CCDC171: variants seen among roughly 807,000 people sequenced by gnomAD.
CCDC171 encodes the protein coiled-coil domain containing 171.
Under a neutral mutation model 168.2 loss-of-function variants are expected in CCDC171, and 177 were observed. The observed-to-expected ratio is 1.05, with a 90% confidence interval of 0.93 to 1.19. CCDC171 has a LOEUF of 1.19. CCDC171 is among the 50% of genes most tolerant of loss of function. The pLI is 0.00. For missense variants in CCDC171, 1,991 were observed against 1,539.0 expected, an observed-to-expected ratio of 1.29 and a Z score of -4.91; for synonymous variants, 687 against 540.8, an observed-to-expected ratio of 1.27 and a Z score of -3.75.
chr9:15,626,717 A>G (rs571414950), intron 7 of CCDC171, among the ~76,000 whole-genome samples: 20 of 152,338 alleles, frequency 1.3e-4, no homozygotes, highest in African/African-American at 3.1e-4. Flanking sequence ...TCAGTTTGCC[A>G]GTATTTTACT....
At chr9:16,019,931 A>G (rs544305065) in intron 3 of CCDC171, among the ~76,000 whole-genome samples, 10 of 152,336 alleles carry the variant, frequency 6.6e-5, no homozygotes, top group Admixed American at 3.9e-4. Flanking sequence ...ATGCGAATCA[A>G]TATTCAGAGG....
At chr9:15,695,989 T>C (rs1207886449) in intron 11 of CCDC171, among the ~76,000 whole-genome samples, 1 of 152,238 alleles carries the variant, frequency 6.6e-6, no homozygotes, top group Non-Finnish European at 1.5e-5. Flanking sequence ...TCTTAGTGTT[T>C]TGTGTTTATG....
Position 15,972,759 on chromosome 9 carries a change from C to T in CCDC171, c.*923C>T, listed in dbSNP as rs1338325799. On this transcript the variant is annotated 3_prime_UTR_variant, in exon 26 of 26. Transcript: ENST00000380701. ...ATGCTGACAGAATTTAAAACAAGGC[C>T]ATTGCCCTGCATTTTCTGCCTTGTA... 1.3e-5 allele frequency: 2 copies of T among 152,096 alleles called. No individual in the cohort carries two copies. Among genetic ancestry groups the T allele is most frequent in the Non-Finnish European group, 2.9e-5 (2 of 68,018 alleles). 9.4% of individuals were successfully genotyped at this position (152,096 alleles called of 1,614,324 possible). A position where few individuals can be genotyped will look rare whatever the true frequency, so the allele number is the denominator to read the frequency against.
intron 25 of CCDC171, among the ~76,000 whole-genome samples, chr9:15,939,020 T>C (rs549801209): frequency 6.6e-6 from 1 of 151,698 alleles, no homozygotes; most frequent in African/African-American, 2.4e-5. Flanking sequence ...TAAATAACAT[T>C]AATATTATAG....
intron 18 of CCDC171, among the ~76,000 whole-genome samples, chr9:15,770,168 A>G (rs1454421941): frequency 6.6e-6 from 1 of 152,218 alleles, no homozygotes; most frequent in Non-Finnish European, 1.5e-5. Flanking sequence ...CAGGACTTTT[A>G]TCACTTTTAA....
intron 21 of CCDC171, among the ~76,000 whole-genome samples, chr9:15,794,968 T>C (rs1249907101): frequency 6.6e-6 from 1 of 152,254 alleles, no homozygotes; most frequent in Non-Finnish European, 1.5e-5. Flanking sequence ...AGGATTTTGC[T>C]AACATGAAAG....
intron 6 of CCDC171, among the ~76,000 whole-genome samples, chr9:15,596,978 T>C (rs1048549984): frequency 3.3e-5 from 5 of 152,288 alleles, no homozygotes; most frequent in African/African-American, 1.2e-4. Context: ...ATGCTTGTGA[T>C]TTTTGCACAT....
intron 6 of CCDC171, among the ~76,000 whole-genome samples, chr9:16,031,433 G>C (rs1236616165): frequency 1.3e-5 from 2 of 152,322 alleles, no homozygotes; most frequent in African/African-American, 4.8e-5. Flanking sequence ...CCAACCAGCA[G>C]ATACACTCTT....
rs549488497 is a variant in CCDC171 at position 15,633,550 on chromosome 9, A to ATAGGAACACT, written c.822+10139_822+10148dup. Among the ~76,000 whole-genome samples, 213 of 152,336 alleles carry ATAGGAACACT rather than the reference A, an allele frequency of 1.4e-3. 1 individual carries two copies. The highest frequency in any genetic ancestry group is 4.4e-3 in the African/African-American group (184 of 41,586). Reference sequence around the variant, plus strand: ...CAGGTGCTGGAGAGGATGTGGAGAAATAGGAACACTTTTACACTGTTGGTG... The same window carrying ATAGGAACACT: ...CAGGTGCTGGAGAGGATGTGGAGAAATAGGAACACTTAGGAACACTTTTACACTGTTGGTG... On this transcript the variant is annotated intron_variant, in intron 7 of 25. Transcript: ENST00000380701.
At chr9:16,013,045 C>G (rs1289531281) in intron 3 of CCDC171, among the ~76,000 whole-genome samples, 1 of 152,198 alleles carries the variant, frequency 6.6e-6, no homozygotes, top group Non-Finnish European at 1.5e-5. Flanking sequence ...CTTCACCCAT[C>G]AGATCTGTCA....
At chr9:15,606,203 G>C (rs1360517324) in intron 6 of CCDC171, among the ~76,000 whole-genome samples, 1 of 152,148 alleles carries the variant, frequency 6.6e-6, no homozygotes, top group African/African-American at 2.4e-5. Context: ...GTAACTGAAA[G>C]GGAAGATGAA....
intron 25 of CCDC171, among the ~76,000 whole-genome samples, chr9:15,963,518 G>A (rs972574386): frequency 2.0e-5 from 3 of 152,124 alleles, no homozygotes; most frequent in Admixed American, 1.3e-4. Flanking sequence ...CAGAAAGGTT[G>A]CAACAGCTTA....
At chr9:15,712,324 C>T (rs2052730517) in intron 11 of CCDC171, among the ~76,000 whole-genome samples, 2 of 152,198 alleles carry the variant, frequency 1.3e-5, no homozygotes, top group Non-Finnish European at 2.9e-5. Context: ...TTTTCTCCTT[C>T]CTCCTTGTCC....
intron 3 of CCDC171, among the ~76,000 whole-genome samples, chr9:15,992,786 C>A (rs534547021): frequency 1.2e-4 from 19 of 152,290 alleles, no homozygotes; most frequent in African/African-American, 4.3e-4. Flanking sequence ...CACAAGCATT[C>A]TTATACACCA....
At chr9:15,621,640 C>A (rs1395326621) in intron 6 of CCDC171, among the ~76,000 whole-genome samples, 1 of 151,972 alleles carries the variant, frequency 6.6e-6, no homozygotes, top group Non-Finnish European at 1.5e-5. Context: ...CAGATGCTGG[C>A]GAGGTTGTGG....
At chr9:15,955,367 G>A (rs1487048453) in intron 25 of CCDC171, among the ~76,000 whole-genome samples, 2 of 152,168 alleles carry the variant, frequency 1.3e-5, no homozygotes, top group African/African-American at 4.8e-5. Context: ...GAGTTGCAAT[G>A]TGGGGAGGTG....
chr9:15,780,507 A>T (rs1320185363), intron 20 of CCDC171, among the ~76,000 whole-genome samples: 1 of 152,110 alleles, frequency 6.6e-6, no homozygotes, highest in Non-Finnish European at 1.5e-5. Flanking sequence ...ACATAGTGAG[A>T]CCGCATCTCT....
chr9:15,957,525 A>G (rs1462403529), intron 25 of CCDC171, among the ~76,000 whole-genome samples: 1 of 152,200 alleles, frequency 6.6e-6, no homozygotes, highest in Non-Finnish European at 1.5e-5. Context: ...CTGCATTCAA[A>G]TGATTGAACA....
chr9:15,801,840 A>T (rs1355489036), intron 21 of CCDC171, among the ~76,000 whole-genome samples: 2 of 152,038 alleles, frequency 1.3e-5, no homozygotes, highest in African/African-American at 4.8e-5. Context: ...AGGGATGTTG[A>T]ATTTTATCAA....
Sources: allele counts gnomAD v4.1 joint callset (sites outside exome capture counted in the v4.1 genomes callset), GRCh38; gene constraint gnomAD v4.1.1; transcripts MANE v1.5; gene names NCBI Gene and HGNC (gene_info 2026-07-23, HGNC 2026-07-21).